The following CEP20 variants were observed in gnomAD, a reference collection of about 807,000 sequenced individuals.
The protein encoded by CEP20 is FGFR1OP N-terminal like.
Under a neutral mutation model 20.0 loss-of-function variants are expected in CEP20, and 18 were observed. The ratio of observed to expected loss-of-function variants is 0.90; its 90% confidence interval spans 0.62 to 1.34. The LOEUF is 1.34. CEP20 is among the 40% of genes most tolerant of loss of function. The pLI is 0.00. For missense variants in CEP20, 215 were observed against 201.6 expected, an observed-to-expected ratio of 1.07 and a Z score of -0.40; for synonymous variants, 77 against 73.7, an observed-to-expected ratio of 1.04 and a Z score of -0.23.
intron 1 of CEP20, among the ~76,000 whole-genome samples, chr16:15,887,524 T>C (rs758395169): frequency 6.6e-5 from 10 of 152,334 alleles, no homozygotes; most frequent in Non-Finnish European, 1.5e-4. Flanking sequence ...CTCTTTCCAG[T>C]GAAATCACTT....
In CEP20 at chr16:15,879,838, G is replaced by C. The variant is rs375933333; in HGVS notation, c.277C>G (p.Leu93Val). The C allele has an allele frequency of 6.4e-7, 1 of 1,573,482 alleles. No individual in the cohort carries two copies. Among genetic ancestry groups the C allele is most frequent in the Non-Finnish European group, 8.6e-7 (1 of 1,168,210 alleles). Residue 93 changes from leucine to valine, a missense_variant, in exon 3 of 5, where the codon CTA becomes GTA. Physicochemically the swap from Leu to Val is conservative, Grantham distance 32. Coordinates refer to ENST00000255759, the MANE Select transcript of CEP20 (RefSeq NM_144600.4). ...PLDRQFLIHE[L>V]NAFEESKDNT... ...TCCTTTGATTCTTCAAATGCATTTA[G>C]TTCATGGATGAGAAACTGTCTGTCC...
rs2045181003 is a variant in CEP20 at position 15,884,128 on chromosome 16, G to A, written c.106C>T (p.Leu36=). Residue 36 remains leucine, a synonymous_variant, in exon 2 of 5, where the codon CTA becomes TTA. Transcript: ENST00000255759. ...GGTCGGGGTTCACGGTCATCATCTAGGGCATTGAAAACTTCAGCTCGGATC... is the reference window on the plus strand; with the variant it reads ...GGTCGGGGTTCACGGTCATCATCTAAGGCATTGAAAACTTCAGCTCGGATC... ...ARIRAEVFNA[L]DDDREPRPSL... The A allele has an allele frequency of 6.2e-7, 1 of 1,614,054 alleles. No individual in the cohort carries two copies.
chr16:15,884,028 G>C lies in CEP20; in HGVS notation c.206C>G (p.Thr69Arg), dbSNP rs1280872327. The change falls in exon 2 of 5, where the codon ACA becomes AGA. Residue 69 changes from threonine to arginine, a missense_variant. Physicochemically the swap from Thr to Arg is moderately conservative, Grantham distance 71. Transcript: ENST00000255759. ...EYLEFNKYKYTASVLIAESGQ... is the reference protein window; with the variant it reads ...EYLEFNKYKYRASVLIAESGQ... ...CTTACCTGCTATGAGGACAGATGCT[G>C]TATACTTATATTTGTTGAATTCTAA... is the stretch of plus-strand genomic sequence containing the variant. 1.2e-6 allele frequency: 2 copies of C among 1,612,556 alleles called. No homozygotes were observed. The highest frequency in any genetic ancestry group is 1.7e-5 in the Admixed American group (1 of 59,992).
chr16:15,888,557 C>T lies in CEP20; in HGVS notation c.28+1G>A. Reference sequence around the variant, plus strand: ...GTGGAGGCCTCCCTGCTCGCACTCACCAGCCTTCAACTCTGCCACAGTCGC... The same window carrying T: ...GTGGAGGCCTCCCTGCTCGCACTCATCAGCCTTCAACTCTGCCACAGTCGC... On this transcript the variant is annotated splice_donor_variant, in intron 1 of 4. Transcript: ENST00000255759. LOFTEE classifies it high-confidence loss of function. 2 of 1,614,192 alleles carry T rather than the reference C, an allele frequency of 1.2e-6. No homozygotes were observed. The highest frequency in any genetic ancestry group is 1.3e-5 in the African/African-American group (1 of 75,074).
chr16:15,885,373 G>C (rs761144579), intron 1 of CEP20, among the ~76,000 whole-genome samples: 8 of 151,946 alleles, frequency 5.3e-5, no homozygotes, highest in Non-Finnish European at 4.4e-5. Flanking sequence ...CAACGCTTTA[G>C]GGAGTGAAAA....
At position 15,869,530 on chromosome 16, in the gene CEP20, C is replaced by T. The variant is rs202150419; in HGVS notation, c.449-2014G>A. Among the ~76,000 whole-genome samples, 270 of 152,106 alleles carry T rather than the reference C, an allele frequency of 1.8e-3. 2 individuals carry two copies. Among genetic ancestry groups the T allele is most frequent in the Admixed American group, 0.013 (201 of 15,270 alleles). On this transcript the variant is annotated intron_variant, in intron 4 of 4. Coordinates refer to ENST00000255759, the MANE Select transcript of CEP20 (RefSeq NM_144600.4). ...TTCACCATGTTGGCTAGGCTGGTCTCGAACTCCTGACCTCAAGTGATCTGC... is the reference window on the plus strand; with the variant it reads ...TTCACCATGTTGGCTAGGCTGGTCTTGAACTCCTGACCTCAAGTGATCTGC...
chr16:15,875,097 T>A (rs1406176979), intron 3 of CEP20, among the ~76,000 whole-genome samples: 1 of 152,200 alleles, frequency 6.6e-6, no homozygotes, highest in Non-Finnish European at 1.5e-5. Flanking sequence ...AATCCCCGAA[T>A]ATTCCACAAA....
At chr16:15,874,506 G>A (rs899529321) in intron 3 of CEP20, among the ~76,000 whole-genome samples, 1 of 152,174 alleles carries the variant, frequency 6.6e-6, no homozygotes, top group South Asian at 2.1e-4. Flanking sequence ...TGCTGCCTGG[G>A]AATTTATATT....
Position 15,884,188 on chromosome 16 carries a change from C to T in CEP20, c.46G>A (p.Glu16Lys), listed in dbSNP as rs2045184584. 1 of 1,610,276 alleles carries T rather than the reference C, an allele frequency of 6.2e-7. No homozygotes were observed. The highest frequency in any genetic ancestry group is 1.7e-5 in the Admixed American group (1 of 59,814). The change falls in exon 2 of 5, where the codon GAA becomes AAA. Residue 16 changes from glutamate to lysine, a missense_variant. Coordinates refer to ENST00000255759, the MANE Select transcript of CEP20 (RefSeq NM_144600.4). Reference protein sequence around the residue: ...ELKAVLKDTLEKKGVLGHLKA... With the variant: ...ELKAVLKDTLKKKGVLGHLKA... ...AAATGCCCTAATACCCCCTTTTTTTCCAAGGTGTCCTTTAAAACTGTTCGA... is the reference window on the plus strand; with the variant it reads ...AAATGCCCTAATACCCCCTTTTTTTTCAAGGTGTCCTTTAAAACTGTTCGA...
chr16:15,876,543 G>A (rs2044954008), intron 3 of CEP20, among the ~76,000 whole-genome samples: 1 of 151,698 alleles, frequency 6.6e-6, no homozygotes, highest in Non-Finnish European at 1.5e-5. Flanking sequence ...ATGGCTCACT[G>A]CAGCCTCAAT....
chr16:15,884,647 A>G (rs544339310), intron 1 of CEP20, among the ~76,000 whole-genome samples: 3 of 152,230 alleles, frequency 2.0e-5, no homozygotes, highest in African/African-American at 7.2e-5. Context: ...GACTACAGGC[A>G]CGTGCCACCA....
intron 1 of CEP20, among the ~76,000 whole-genome samples, chr16:15,886,541 A>G (rs1363599630): frequency 6.6e-6 from 1 of 152,172 alleles, no homozygotes; most frequent in East Asian, 1.9e-4. Flanking sequence ...GACAGCCTCA[A>G]ACTGGACAGA....
chr16:15,873,000 T>C (rs2044857210), intron 4 of CEP20, among the ~76,000 whole-genome samples: 1 of 152,050 alleles, frequency 6.6e-6, no homozygotes, highest in African/African-American at 2.4e-5. Flanking sequence ...GATAAAAAGC[T>C]ATTTATTCAG....
chr16:15,882,355 C>T lies in CEP20; in HGVS notation c.226+1653G>A, dbSNP rs139253913. On this transcript the variant is annotated intron_variant, in intron 2 of 4. Transcript: ENST00000255759. Reference sequence around the variant, plus strand: ...AGGAGACTGAGACCATCCTGGCTAACGGTGAAACCCTGTCTCTACTAAAAA... The same window carrying T: ...AGGAGACTGAGACCATCCTGGCTAATGGTGAAACCCTGTCTCTACTAAAAA... Among the ~76,000 whole-genome samples, 11 of 151,300 alleles carry T rather than the reference C, an allele frequency of 7.3e-5. No individual in the cohort carries two copies. The South Asian group carries it at 1.7e-3, about 23-fold the overall frequency.
Position 15,865,977 on chromosome 16 carries a change from C to T in CEP20, c.*1463G>A, listed in dbSNP as rs971694227. The T allele has an allele frequency of 2.0e-5, 3 of 152,002 alleles. No homozygotes were observed. Among genetic ancestry groups the T allele is most frequent in the Non-Finnish European group, 4.4e-5 (3 of 68,014 alleles). The allele number at this position is 152,002 out of a possible 1,614,324, so 9.4% of individuals were successfully genotyped here. ...AACATCCTTGGACGAAAACCAAGTC[C>T]CCCGGGAGAATTCAGATATTTATAT... On this transcript the variant is annotated 3_prime_UTR_variant, in exon 5 of 5. Coordinates refer to ENST00000255759, the MANE Select transcript of CEP20 (RefSeq NM_144600.4).
intron 3 of CEP20, among the ~76,000 whole-genome samples, chr16:15,874,964 TTA>T (rs1352775640): frequency 6.6e-6 from 1 of 152,158 alleles, no homozygotes; most frequent in Non-Finnish European, 1.5e-5. Flanking sequence ...GTCAATATCA[TTA>T]TGAGTTTGGA....
At chr16:15,872,049 T>C (rs1275582290) in intron 4 of CEP20, among the ~76,000 whole-genome samples, 1 of 152,166 alleles carries the variant, frequency 6.6e-6, no homozygotes, top group Non-Finnish European at 1.5e-5. Context: ...GCGCGGTGGC[T>C]CAAGCCTGTA....
At chr16:15,880,063 T>C (rs2045063262) in intron 2 of CEP20, among the ~76,000 whole-genome samples, 175 bp from the exon 3 acceptor site, 2 of 152,244 alleles carry the variant, frequency 1.3e-5, no homozygotes, top group Admixed American at 1.3e-4. Context: ...AATATCTCTT[T>C]TGTTAAATGC....
intron 2 of CEP20, among the ~76,000 whole-genome samples, chr16:15,882,052 C>T (rs918386700): frequency 6.6e-6 from 1 of 152,108 alleles, no homozygotes; most frequent in Non-Finnish European, 1.5e-5. Context: ...CTGGTGCTGT[C>T]CTTACCACAG....
Sources: allele counts gnomAD v4.1 joint callset (sites outside exome capture counted in the v4.1 genomes callset), GRCh38; gene constraint gnomAD v4.1.1; transcripts MANE v1.5; gene names NCBI Gene and HGNC (gene_info 2026-07-23, HGNC 2026-07-21).